The following CADM2 variants were observed in gnomAD, a reference collection of about 807,000 sequenced individuals.
CADM2 encodes the protein immunoglobulin superfamily member 4D.
CADM2 carries 12 observed loss-of-function variants against 49.8 expected under a neutral mutation model. The observed-to-expected ratio is 0.24, with a 90% CI of 0.15 to 0.39. CADM2 has a LOEUF of 0.39. Ranked by LOEUF, CADM2 falls within the 10% of genes least tolerant of loss-of-function variation. The pLI, the probability that CADM2 is intolerant of heterozygous loss-of-function variation, is 1.00. For missense variants in CADM2, 378 were observed against 492.3 expected (o/e 0.77, Z 2.20); for synonymous variants, 214 against 175.4 (o/e 1.22, Z -1.74).
intron 3 of CADM2, among the ~76,000 whole-genome samples, chr3:85,847,133 G>A (rs2074917130): frequency 6.6e-6 from 1 of 152,172 alleles, no homozygotes; most frequent in Non-Finnish European, 1.5e-5. Flanking sequence ...CATTAGCAGT[G>A]TGCCAGGCTG....
chr3:85,313,190 T>C (rs1195966656), intron 1 of CADM2, among the ~76,000 whole-genome samples: 1 of 152,212 alleles, frequency 6.6e-6, no homozygotes, highest in Non-Finnish European at 1.5e-5. Flanking sequence ...GGGAAGCTTC[T>C]AATACTTCTA....
At chr3:85,003,344 G>T (rs1319965762) in intron 1 of CADM2, among the ~76,000 whole-genome samples, 4 of 151,828 alleles carry the variant, frequency 2.6e-5, no homozygotes, top group Non-Finnish European at 4.4e-5. Flanking sequence ...ATTGTCTATG[G>T]TTACCTTGAT....
At chr3:85,168,792 T>G (rs1391359392) in intron 1 of CADM2, among the ~76,000 whole-genome samples, 2 of 152,148 alleles carry the variant, frequency 1.3e-5, no homozygotes, top group East Asian at 3.9e-4. Flanking sequence ...ATCATAGTTA[T>G]CATTTTATTG....
intron 3 of CADM2, among the ~76,000 whole-genome samples, chr3:85,854,143 C>T (rs923937834): frequency 6.6e-6 from 1 of 152,116 alleles, no homozygotes; most frequent in Non-Finnish European, 1.5e-5. Flanking sequence ...TACTTACTTG[C>T]TTATTTATCC....
intron 8 of CADM2, among the ~76,000 whole-genome samples, chr3:86,005,193 C>A (rs1239193236): frequency 6.6e-6 from 1 of 152,048 alleles, no homozygotes; most frequent in Non-Finnish European, 1.5e-5. Flanking sequence ...TAGTTCAGTA[C>A]CTAATGTTAA....
intron 1 of CADM2, among the ~76,000 whole-genome samples, chr3:85,174,636 T>G (rs1392237742): frequency 6.6e-6 from 1 of 152,078 alleles, no homozygotes; most frequent in Non-Finnish European, 1.5e-5. Context: ...TATTTTGCCT[T>G]TTAATTGCTA....
rs1553722697 is a variant in CADM2 at position 85,431,860 on chromosome 3, C to CATATATATATATATATATATAT, written c.62-294650_62-294649insATATATATATATATATATATAT. On this transcript the variant is annotated intron_variant, in intron 1 of 9. Transcript: ENST00000383699. ...AACACCATGGTCTTATGCTTAATTG[C>CATATATATATATATATATATAT]ATATATATATATGCCATGCTCTTTC... Among the ~76,000 whole-genome samples, 55 of 51,860 alleles carry CATATATATATATATATATATAT rather than the reference C, an allele frequency of 1.1e-3. 12 individuals are homozygous for CATATATATATATATATATATAT. The highest frequency in any genetic ancestry group is 2.6e-3 in the South Asian group (3 of 1,140). 34.0% of individuals were successfully genotyped at this position (51,860 alleles called of 152,430 possible). A position where few individuals can be genotyped will look rare whatever the true frequency, so the allele number is the denominator to read the frequency against.
At chr3:85,126,091 C>A (rs1254424451) in intron 1 of CADM2, among the ~76,000 whole-genome samples, 1 of 152,052 alleles carries the variant, frequency 6.6e-6, no homozygotes, top group African/African-American at 2.4e-5. Context: ...TTGTACATTA[C>A]TCTTTTGAGC....
At chr3:85,774,909 CAT>C (rs1253230131) in intron 2 of CADM2, among the ~76,000 whole-genome samples, 1 of 151,658 alleles carries the variant, frequency 6.6e-6, no homozygotes, top group Non-Finnish European at 1.5e-5. Context: ...TCATGATACA[CAT>C]GTATATAGTT....
chr3:85,131,741 C>T (rs60319509), intron 1 of CADM2, among the ~76,000 whole-genome samples: 10,540 of 151,816 alleles, frequency 0.069, 1,220 homozygotes, highest in African/African-American at 0.24. Context: ...GAAAATGTTC[C>T]CCTTCAAATT....
At chr3:85,287,452 A>C (rs532658242) in intron 1 of CADM2, among the ~76,000 whole-genome samples, 2 of 152,236 alleles carry the variant, frequency 1.3e-5, no homozygotes, top group Admixed American at 1.3e-4. Flanking sequence ...TCAATAAATA[A>C]ATAGAATTTT....
intron 1 of CADM2, among the ~76,000 whole-genome samples, chr3:85,210,688 A>T (rs376133393): frequency 1.3e-5 from 2 of 152,008 alleles, no homozygotes; most frequent in Non-Finnish European, 2.9e-5. Flanking sequence ...CTGCAGGTAT[A>T]TGCCACCAAG....
In CADM2 at chr3:85,461,037, C is replaced by T. The variant is rs560615358; in HGVS notation, c.62-265485C>T. 2.0e-5 allele frequency among the ~76,000 whole-genome samples: 3 copies of T among 152,232 alleles called. No homozygotes were observed. In the South Asian group the frequency reaches 6.2e-4, roughly 32 times the overall value. On this transcript the variant is annotated intron_variant, in intron 1 of 9. Transcript: ENST00000383699. ...GTTTTTGTTCTATTATTTTAATTCACAAACTTTATATTTCACAGAAGTTTT... is the reference window on the plus strand; with the variant it reads ...GTTTTTGTTCTATTATTTTAATTCATAAACTTTATATTTCACAGAAGTTTT...
chr3:84,996,126 T>A (rs569203881), intron 1 of CADM2, among the ~76,000 whole-genome samples: 2 of 152,292 alleles, frequency 1.3e-5, no homozygotes, highest in East Asian at 3.9e-4. Flanking sequence ...GAGTCCAGGG[T>A]TTCAGATGAA....
At chr3:85,998,073 G>A (rs1729651613) in intron 8 of CADM2, among the ~76,000 whole-genome samples, 1 of 152,088 alleles carries the variant, frequency 6.6e-6, no homozygotes, top group Admixed American at 6.5e-5. Flanking sequence ...AGGGAAGAGG[G>A]TATTTAAGAG....
intron 1 of CADM2, among the ~76,000 whole-genome samples, chr3:85,182,377 C>T (rs1250981911): frequency 6.6e-6 from 1 of 152,044 alleles, no homozygotes; most frequent in African/African-American, 2.4e-5. Flanking sequence ...ATGTTGGCAT[C>T]TTGTACCCCA....
At chr3:85,020,465 G>A (rs1032841656) in intron 1 of CADM2, among the ~76,000 whole-genome samples, 16 of 151,968 alleles carry the variant, frequency 1.1e-4, no homozygotes, top group Non-Finnish European at 2.1e-4. Context: ...AATAAAAATG[G>A]TGTTATGAAT....
chr3:85,188,027 A>G (rs1345939472), intron 1 of CADM2, among the ~76,000 whole-genome samples: 1 of 152,042 alleles, frequency 6.6e-6, no homozygotes, highest in Non-Finnish European at 1.5e-5. Context: ...TAAATTATTT[A>G]ACATATAAAT....
intron 8 of CADM2, among the ~76,000 whole-genome samples, chr3:85,973,212 A>T (rs979736935): frequency 3.3e-5 from 5 of 151,650 alleles, no homozygotes; most frequent in Admixed American, 6.6e-5. Flanking sequence ...TTGATAAAGC[A>T]CCTGTCATTT....
Sources: gnomAD v4.1 joint callset for allele counts (sites outside exome capture counted in the v4.1 genomes callset) on GRCh38, gnomAD v4.1.1 for gene constraint, MANE v1.5 for transcripts, NCBI Gene and HGNC (gene_info 2026-07-23, HGNC 2026-07-21) for gene names.